CDCA7: variants seen among roughly 807,000 people sequenced by gnomAD.
CDCA7 encodes the protein cell division cycle associated 7.
A neutral mutation model predicts 54.0 loss-of-function variants in CDCA7; 28 were observed. The ratio of observed to expected loss-of-function variants is 0.52; its 90% confidence interval spans 0.38 to 0.71. The LOEUF is 0.71. Ranked by LOEUF, CDCA7 falls within the 30% of genes least tolerant of loss-of-function variation. CDCA7 has a pLI of 0.00. For synonymous variants in CDCA7, 180 were observed against 208.2 expected (o/e 0.86, Z 1.16); for missense variants, 484 against 586.0 (o/e 0.83, Z 1.80).
At chr2:173,363,123 A>T in intron 3 of CDCA7, 103 bp from the exon 4 acceptor site, 2 of 1,115,664 alleles carry the variant, frequency 1.8e-6, no homozygotes, top group Non-Finnish European at 2.7e-6. Flanking sequence ...ATGTTCAGTT[A>T]AAATTCATTT....
In CDCA7 at chr2:173,359,289, T is replaced by A. The variant is rs763915331; in HGVS notation, c.182T>A (p.Leu61Gln). 2 of 1,614,180 alleles carry A rather than the reference T, an allele frequency of 1.2e-6. No individual in the cohort carries two copies. Among genetic ancestry groups the A allele is most frequent in the Non-Finnish European group, 8.5e-7 (1 of 1,180,016 alleles). The change falls in exon 3 of 10, where the codon CTG becomes CAG. Residue 61 changes from leucine (L) to glutamine (Q), a missense_variant. Physicochemically the swap from Leu to Gln is moderately radical, Grantham distance 113. Around this residue, in one of 3 missense-constraint regions of CDCA7, gnomAD observed 398 missense variants for 447.4 expected, o/e 0.89. Transcript: ENST00000306721. ...PKFRSDISEE[L>Q]ANVFYEDSDN... ...TTCAGGTCAGATATCAGTGAAGAAC[T>A]GGCAAATGTTTTTTATGAGGACTCT...
chr2:173,355,062 A>T (rs1686468777), intron 1 of CDCA7, 78 bp downstream of exon 1: 3 of 1,262,056 alleles, frequency 2.4e-6, no homozygotes, highest in Middle Eastern at 2.8e-4. Context: ...GACCCTCTCC[A>T]ACTCCGCAGC....
chr2:173,366,751 A>T lies in CDCA7; in HGVS notation c.1185+319A>T, dbSNP rs760611954. On this transcript the variant is annotated intron_variant, in intron 8 of 9. Coordinates refer to ENST00000306721, the MANE Select transcript of CDCA7 (RefSeq NM_031942.5). The surrounding 1 kb of genome is among the most constrained non-coding windows in gnomAD (Gnocchi z 4.5). ...ACGGGGTTTCACCACATTGGCCAGG[A>T]TGGTGTGGTGGTACAAGATCTCTTG... 2.6e-5 allele frequency among the ~76,000 whole-genome samples: 4 copies of T among 152,064 alleles called. No individual in the cohort carries two copies. Among genetic ancestry groups the T allele is most frequent in the African/African-American group, 9.7e-5 (4 of 41,414 alleles).
chr2:173,365,511 T>C lies in CDCA7; in HGVS notation c.954T>C (p.Ile318=). The C allele has an allele frequency of 6.2e-7, 1 of 1,614,160 alleles. No homozygotes were observed. The highest frequency in any genetic ancestry group is 1.1e-5 in the South Asian group (1 of 91,086). The part of the protein sequence containing the change: ...SRSSVTLPHI[I]RPVEEITEEE... Reference sequence around the variant, plus strand: ...CATCCGTGACCCTTCCGCATATAATTCGCCCAGTGGAAGAAATTACAGAGG... The same window carrying C: ...CATCCGTGACCCTTCCGCATATAATCCGCCCAGTGGAAGAAATTACAGAGG... Residue 318 remains isoleucine (I), a synonymous_variant, in exon 7 of 10, where the codon ATT becomes ATC. Coordinates refer to ENST00000306721, the MANE Select transcript of CDCA7 (RefSeq NM_031942.5).
intron 8 of CDCA7, 91 bp from the exon 9 acceptor site, chr2:173,367,059 A>G: frequency 6.7e-7 from 1 of 1,487,802 alleles, no homozygotes; most frequent in South Asian, 1.4e-5. Flanking sequence ...ATAAATTTTT[A>G]ACCATAAAGA....
intron 3 of CDCA7, among the ~76,000 whole-genome samples, chr2:173,360,443 CA>C (rs1459301802): frequency 3.3e-5 from 5 of 152,188 alleles, no homozygotes; most frequent in Non-Finnish European, 7.3e-5. Context: ...TGTACTCTCT[CA>C]ATCCATGGAC....
At chr2:173,358,888 C>T (rs779841376) in intron 2 of CDCA7, 51 bp downstream of exon 2, 106 of 1,575,446 alleles carry the variant, frequency 6.7e-5, no homozygotes, top group African/African-American at 8.2e-5. Context: ...GCTCAAAATG[C>T]CCCAGATGCT....
At chr2:173,358,969 C>A in intron 2 of CDCA7, 132 bp downstream of exon 2, 2 of 1,241,772 alleles carry the variant, frequency 1.6e-6, no homozygotes, top group Non-Finnish European at 2.2e-6. Flanking sequence ...ACAGTATGCA[C>A]TATAATTTCA....
chr2:173,355,067 C>A lies in CDCA7; in HGVS notation c.21+83C>A, dbSNP rs1686468918. The A allele has an allele frequency of 6.4e-6, 8 of 1,245,070 alleles. No homozygotes were observed. In the South Asian group the frequency reaches 2.1e-4, roughly 33 times the overall value. 77.1% of individuals were successfully genotyped at this position (1,245,070 alleles called of 1,614,324 possible). Reference sequence around the variant, plus strand: ...GGCGCGGGCCGACCCTCTCCAACTCCGCAGCCTAGCGCTGCCTTAACTGGT... The same window carrying A: ...GGCGCGGGCCGACCCTCTCCAACTCAGCAGCCTAGCGCTGCCTTAACTGGT... On this transcript the variant is annotated intron_variant, in intron 1 of 9. Coordinates refer to ENST00000306721, the MANE Select transcript of CDCA7 (RefSeq NM_031942.5).
intron 7 of CDCA7, among the ~76,000 whole-genome samples, 165 bp downstream of exon 7, chr2:173,365,757 A>G (rs1303413820): frequency 6.6e-6 from 1 of 152,218 alleles, no homozygotes; most frequent in Non-Finnish European, 1.5e-5. Context: ...CCTGGGATTT[A>G]GCCCTCTTTC....
rs749673012 is a variant in CDCA7, at chr2:173,368,707, C to G, written c.*1043C>G. ...TTCCTGTGTCAGTATTCCCCCTCCT[C>G]TTTGCATTAATCAAGGTATTTGGTA... On this transcript the variant is annotated 3_prime_UTR_variant, in exon 10 of 10. Transcript: ENST00000306721. The G allele has an allele frequency of 1.3e-5, 2 of 152,164 alleles. No homozygotes were observed. The highest frequency in any genetic ancestry group is 2.9e-5 in the Non-Finnish European group (2 of 68,032). The allele number at this position is 152,164 out of a possible 1,614,324, so 9.4% of individuals were successfully genotyped here.
Position 173,365,480 on chromosome 2 carries a change from C to T in CDCA7, c.923C>T (p.Ser308Phe). 1 of 1,614,072 alleles carries T rather than the reference C, an allele frequency of 6.2e-7. No individual in the cohort carries two copies. The highest frequency in any genetic ancestry group is 8.5e-7 in the Non-Finnish European group (1 of 1,179,970). ...GATGACCTGCCCAGAAGCCGTCGCT[C>T]CAGATCATCCGTGACCCTTCCGCAT... is the stretch of plus-strand genomic sequence containing the variant. ...NEDDLPRSRR[S>F]RSSVTLPHII... Residue 308 changes from serine (S) to phenylalanine (F), a missense_variant, in exon 7 of 10, where the codon TCC becomes TTC. Coordinates refer to ENST00000306721, the MANE Select transcript of CDCA7 (RefSeq NM_031942.5).
At chr2:173,364,723 C>G (rs1344437989) in intron 5 of CDCA7, 72 bp from the exon 6 acceptor site, 6 of 1,522,138 alleles carry the variant, frequency 3.9e-6, no homozygotes, top group Admixed American at 2.6e-5. Context: ...TAAGGAGAAG[C>G]TATGAATTCC....
At chr2:173,364,039 T>G (rs1686672479) in intron 5 of CDCA7, 144 bp downstream of exon 5, 3 of 669,424 alleles carry the variant, frequency 4.5e-6, no homozygotes, top group Non-Finnish European at 7.5e-6. Context: ...CTGACAGATC[T>G]CTGGATGATC....
chr2:173,360,863 T>C (rs1026249330), intron 3 of CDCA7, among the ~76,000 whole-genome samples: 1 of 152,100 alleles, frequency 6.6e-6, no homozygotes. Context: ...CTCTCTTTTT[T>C]TTTAACCTGC....
At chr2:173,365,024 T>C in intron 6 of CDCA7, 35 bp downstream of exon 6, 1 of 1,529,102 alleles carries the variant, frequency 6.5e-7, no homozygotes, top group Non-Finnish European at 8.7e-7. Context: ...CTCTTCTGAT[T>C]CTCATCTTCG....
Position 173,354,890 on chromosome 2 carries a change from G to T in CDCA7, c.-74G>T. Reference sequence around the variant, plus strand: ...CAGCCGCGCTGCTGCTGCTCCTCCTGCTGTGGGACCGCTGACCGCGCGGCT... The same window carrying T: ...CAGCCGCGCTGCTGCTGCTCCTCCTTCTGTGGGACCGCTGACCGCGCGGCT... On this transcript the variant is annotated 5_prime_UTR_variant, in exon 1 of 10. Transcript: ENST00000306721. 6.9e-7 allele frequency: 1 copy of T among 1,457,812 alleles called. No individual in the cohort carries two copies. The highest frequency in any genetic ancestry group is 9.0e-7 in the Non-Finnish European group (1 of 1,108,380). The allele number at this position is 1,457,812 out of a possible 1,614,324, so 90.3% of individuals were successfully genotyped here.
Position 173,358,701 on chromosome 2 carries a change from T to C in CDCA7, c.22-11T>C. 1 of 1,611,646 alleles carries C rather than the reference T, an allele frequency of 6.2e-7. No individual in the cohort carries two copies. The highest frequency in any genetic ancestry group is 1.7e-4 in the Middle Eastern group (1 of 6,054). On this transcript the variant is annotated splice_polypyrimidine_tract_variant and intron_variant, in intron 1 of 9. Coordinates refer to ENST00000306721, the MANE Select transcript of CDCA7 (RefSeq NM_031942.5). Reference sequence around the variant, plus strand: ...CATCACGCTTAATAGGATTGCTATTTCCATTTGCAGCAGAAAGATCTCAGA... The same window carrying C: ...CATCACGCTTAATAGGATTGCTATTCCCATTTGCAGCAGAAAGATCTCAGA...
chr2:173,366,909 G>A lies in CDCA7; in HGVS notation c.1186-241G>A, dbSNP rs554079539. ...GGATGGTGCTGCATAGGCATGAGCC[G>A]CTTCTACGATACTCGGGTCTGAACT... On this transcript the variant is annotated intron_variant, in intron 8 of 9. Coordinates refer to ENST00000306721, the MANE Select transcript of CDCA7 (RefSeq NM_031942.5). The surrounding 1 kb of genome is among the most constrained non-coding windows in gnomAD (Gnocchi z 4.5). Among the ~76,000 whole-genome samples the A allele has an allele frequency of 2.0e-5, 3 of 152,284 alleles. No homozygotes were observed. The highest frequency in any genetic ancestry group is 1.9e-4 in the East Asian group (1 of 5,176).
Sources: gnomAD v4.1 joint callset for allele counts (sites outside exome capture counted in the v4.1 genomes callset) on GRCh38, gnomAD v4.1.1 for gene constraint, gnomAD v4.1.1 regional missense constraint, Gnocchi (gnomAD v3.1) non-coding constraint, MANE v1.5 for transcripts, NCBI Gene and HGNC (gene_info 2026-07-23, HGNC 2026-07-21) for gene names.